PXDN: variants seen among roughly 807,000 people sequenced by gnomAD.
PXDN encodes the protein peroxidasin.
PXDN carries 77 observed loss-of-function variants against 140.3 expected under a neutral mutation model. That is an observed-to-expected ratio of 0.55 (90% confidence interval 0.46 to 0.66). The LOEUF is 0.66. PXDN is among the 30% of genes least tolerant of loss of function. The pLI is 0.00. For missense variants in PXDN, 1,838 were observed against 2,039.5 expected, an observed-to-expected ratio of 0.90 and a Z score of 1.90; for synonymous variants, 911 against 857.4, an observed-to-expected ratio of 1.06 and a Z score of -1.09.
rs1349769440 is a variant in PXDN, at chr2:1,651,356, C to T, written c.2105-1681G>A. On this transcript the variant is annotated intron_variant, in intron 16 of 22. Coordinates refer to ENST00000252804, the MANE Select transcript of PXDN (RefSeq NM_012293.3). The surrounding 1 kb of genome is among the most constrained non-coding windows in gnomAD (Gnocchi z 4.4). Reference sequence around the variant, plus strand: ...GACCCGCCAACCAGAGCAGGTGGCACCGACCCTGGCCCCAGTTTCCCAGGA... The same window carrying T: ...GACCCGCCAACCAGAGCAGGTGGCATCGACCCTGGCCCCAGTTTCCCAGGA... Among the ~76,000 whole-genome samples, 2 of 152,192 alleles carry T rather than the reference C, an allele frequency of 1.3e-5. No individual in the cohort carries two copies.
At chr2:1,656,022 T>C (rs930431834) in intron 14 of PXDN, among the ~76,000 whole-genome samples, 2 of 150,880 alleles carry the variant, frequency 1.3e-5, no homozygotes, top group African/African-American at 2.4e-5. Flanking sequence ...TACACACAGA[T>C]ACACACTACA....
At chr2:1,692,471 G>A in intron 2 of PXDN, 1 of 471,494 alleles carries the variant, frequency 2.1e-6, no homozygotes, top group Non-Finnish European at 4.4e-6. Context: ...TGCCCTCCAG[G>A]GTCAACAGTG....
At chr2:1,691,803 CAAAAT>C in intron 3 of PXDN, 120 bp downstream of exon 3, 1 of 636,316 alleles carries the variant, frequency 1.6e-6, no homozygotes, top group Admixed American at 3.7e-5. Flanking sequence ...CTCACCTTCT[CAAAAT>C]AAAACCTCAT....
intron 1 of PXDN, among the ~76,000 whole-genome samples, chr2:1,738,346 T>C (rs539462737): frequency 2.6e-5 from 4 of 152,264 alleles, no homozygotes; most frequent in Non-Finnish European, 5.9e-5. Flanking sequence ...GGAAGATCTC[T>C]GTACTCCTGA....
rs1683006252 is a variant in PXDN, at chr2:1,651,207, A to G, written c.2105-1532T>C. ...TGAACATCCATAGAGCCAAGAAAGCAGAGTGCCAGGAGGAAAAGCACTTCC... is the reference window on the plus strand; with the variant it reads ...TGAACATCCATAGAGCCAAGAAAGCGGAGTGCCAGGAGGAAAAGCACTTCC... On this transcript the variant is annotated intron_variant, in intron 16 of 22. Transcript: ENST00000252804. The surrounding 1 kb of genome is among the most constrained non-coding windows in gnomAD (Gnocchi z 4.4). Among the ~76,000 whole-genome samples, 1 of 152,206 alleles carries G rather than the reference A, an allele frequency of 6.6e-6. No individual in the cohort carries two copies. Among genetic ancestry groups the G allele is most frequent in the Admixed American group, 6.5e-5 (1 of 15,292 alleles).
chr2:1,666,105 G>A lies in PXDN; in HGVS notation c.1291+109C>T. On this transcript the variant is annotated intron_variant, in intron 10 of 22. Transcript: ENST00000252804. Reference sequence around the variant, plus strand: ...TGGATAAAAATCAACCGAGTGAAGTGGACAGGGCAGAAGATTCTATGGAGC... The same window carrying A: ...TGGATAAAAATCAACCGAGTGAAGTAGACAGGGCAGAAGATTCTATGGAGC... 4.2e-6 allele frequency: 6 copies of A among 1,418,042 alleles called. No individual in the cohort carries two copies. The Admixed American group carries it at 6.1e-5, about 15-fold the overall frequency. 87.8% of individuals were successfully genotyped at this position (1,418,042 alleles called of 1,614,324 possible).
chr2:1,720,187 C>G (rs1558525817), intron 1 of PXDN, among the ~76,000 whole-genome samples: 1 of 18,848 alleles, frequency 5.3e-5, no homozygotes, highest in Admixed American at 8.7e-4. Context: ...GAGAGAGATG[C>G]ACAGAGAGAG....
Position 1,666,298 on chromosome 2 carries a change from C to G in PXDN, c.1207G>C (p.Val403Leu). ...GCATACTCTCCGCTGTCCCCCTGTA[C>G]GACGTTCTGTATGTAAAGCCCGCCA... is the stretch of plus-strand genomic sequence containing the variant. ...PSGGLYIQNV[V>L]QGDSGEYACS... The change falls in exon 10 of 23, where the codon GTA (valine) becomes CTA (leucine). Residue 403 changes from valine (V) to leucine (L), a missense_variant. Coordinates refer to ENST00000252804, the MANE Select transcript of PXDN (RefSeq NM_012293.3). 1 of 1,614,034 alleles carries G rather than the reference C, an allele frequency of 6.2e-7. No individual in the cohort carries two copies. The highest frequency in any genetic ancestry group is 8.5e-7 in the Non-Finnish European group (1 of 1,179,904).
chr2:1,744,644 C>A, upstream of PXDN: 1 of 474,532 alleles, frequency 2.1e-6, no homozygotes, highest in Non-Finnish European at 3.2e-6. Context: ...ACCCGGGGCC[C>A]CAGCGTCCGG....
chr2:1,644,897 G>T, intron 17 of PXDN, 145 bp from the exon 18 acceptor site: 1 of 989,468 alleles, frequency 1.0e-6, no homozygotes, highest in Non-Finnish European at 1.4e-6. Context: ...TTACTTCTTT[G>T]CTGCATCTCT....
chr2:1,658,220 G>C (rs1333711452), intron 14 of PXDN, among the ~76,000 whole-genome samples: 1 of 151,772 alleles, frequency 6.6e-6, no homozygotes, highest in Non-Finnish European at 1.5e-5. Flanking sequence ...ATCTCCCTGT[G>C]TGGTTCCACT....
intron 19 of PXDN, among the ~76,000 whole-genome samples, chr2:1,640,858 C>T (rs1460607952): frequency 2.0e-5 from 3 of 152,190 alleles, no homozygotes; most frequent in Admixed American, 6.5e-5. Context: ...AGGACACGGT[C>T]CCAGGCACTG....
At chr2:1,720,816 T>C (rs1685032248) in intron 1 of PXDN, among the ~76,000 whole-genome samples, 1 of 152,140 alleles carries the variant, frequency 6.6e-6, no homozygotes. Context: ...GTTCGCAATG[T>C]GTGTCACATG....
intron 1 of PXDN, among the ~76,000 whole-genome samples, chr2:1,721,975 A>G (rs1685063765): frequency 6.6e-6 from 1 of 152,186 alleles, no homozygotes; most frequent in Admixed American, 6.5e-5. Flanking sequence ...CATACACATC[A>G]CTTGTTAGGA....
intron 6 of PXDN, among the ~76,000 whole-genome samples, chr2:1,683,033 A>G (rs1683951340): frequency 6.6e-6 from 1 of 152,192 alleles, no homozygotes; most frequent in Admixed American, 6.5e-5. Flanking sequence ...TATTTCTACC[A>G]GTAAAATATG....
At chr2:1,731,817 C>T (rs1419364135) in intron 1 of PXDN, among the ~76,000 whole-genome samples, 4 of 152,144 alleles carry the variant, frequency 2.6e-5, no homozygotes, top group South Asian at 2.1e-4. Flanking sequence ...TGTTTTAAGG[C>T]ACTGAGGTTC....
intron 19 of PXDN, among the ~76,000 whole-genome samples, chr2:1,641,044 G>A (rs761454842): frequency 1.6e-4 from 24 of 152,220 alleles, no homozygotes; most frequent in Non-Finnish European, 7.3e-5. Flanking sequence ...CCAGGAGCAG[G>A]CTGGCTTCCC....
At chr2:1,724,327 T>TG (rs1685125917) in intron 1 of PXDN, among the ~76,000 whole-genome samples, 1 of 151,206 alleles carries the variant, frequency 6.6e-6, no homozygotes, top group Non-Finnish European at 1.5e-5. Context: ...TTTTTTTTTT[T>TG]GGTCAGAAAG....
intron 7 of PXDN, among the ~76,000 whole-genome samples, chr2:1,679,747 T>C (rs1272039508): frequency 1.3e-5 from 2 of 150,404 alleles, no homozygotes; most frequent in Non-Finnish European, 3.0e-5. Context: ...TGTGTGCGTG[T>C]ATGTGCGTGT....
Sources: gnomAD v4.1 joint callset for allele counts (sites outside exome capture counted in the v4.1 genomes callset) on GRCh38, gnomAD v4.1.1 for gene constraint, Gnocchi (gnomAD v3.1) non-coding constraint, MANE v1.5 for transcripts, NCBI Gene and HGNC (gene_info 2026-07-23, HGNC 2026-07-21) for gene names.